Variants in MRC2 observed in about 807,000 individuals in gnomAD.
The protein encoded by MRC2 is mannose receptor C-type 2.
MRC2 carries 84 observed loss-of-function variants against 206.2 expected under a neutral mutation model. The ratio of observed to expected loss-of-function variants is 0.41; its 90% CI spans 0.34 to 0.49. The LOEUF (loss-of-function observed/expected upper bound fraction) is 0.49. MRC2 is among the 20% of genes least tolerant of loss of function. The pLI, the probability that MRC2 is intolerant of heterozygous loss-of-function variation, is 0.31. For missense variants in MRC2, 1,676 were observed against 2,001.5 expected, an observed-to-expected ratio of 0.84 and a Z score of 3.10; for synonymous variants, 798 against 800.0, an observed-to-expected ratio of 1.00 and a Z score of 0.04.
chr17:62,666,570 T>C lies in MRC2; in HGVS notation c.810T>C (p.Gly270=), dbSNP rs759625924. The change falls in exon 4 of 30, where the codon GGT becomes GGC. Residue 270 remains glycine, a synonymous_variant. Transcript: ENST00000303375. The surrounding 1 kb of genome is among the most constrained non-coding windows in gnomAD (Gnocchi z 5.0). ...REAWASCEQQ[G]ADLLSITEIH... ...CCTGGGCCAGCTGCGAGCAGCAGGG[T>C]GCGGATCTGCTGAGCATCACGGAGA... The C allele has an allele frequency of 7.5e-6, 12 of 1,610,276 alleles. No individual in the cohort carries two copies. In the South Asian group the frequency reaches 1.2e-4, roughly 16 times the overall value.
chr17:62,690,090 C>T (rs2089087055), intron 25 of MRC2, 28 bp downstream of exon 25: 1 of 1,583,420 alleles, frequency 6.3e-7, no homozygotes. Flanking sequence ...AGGGCGGGGG[C>T]ATGGGCAAGC....
At chr17:62,674,034 T>G (rs2147474336) in intron 8 of MRC2, 29 bp from the exon 9 acceptor site, 938 of 1,476,158 alleles carry the variant, frequency 6.4e-4, no homozygotes, top group Non-Finnish European at 7.9e-4. Context: ...AGGTGGGGGT[T>G]GAGATTCTTC....
At chr17:62,669,165 C>T (rs1313795617) in intron 6 of MRC2, among the ~76,000 whole-genome samples, 1 of 151,672 alleles carries the variant, frequency 6.6e-6, no homozygotes, top group African/African-American at 2.4e-5. Context: ...CAGAGCAAAA[C>T]TTCTGCTCCT....
chr17:62,669,125 CAA>C (rs965808071), intron 6 of MRC2, among the ~76,000 whole-genome samples: 6 of 145,004 alleles, frequency 4.1e-5, no homozygotes, highest in South Asian at 2.3e-4. Flanking sequence ...CACACACACA[CAA>C]CACTAACTAC....
chr17:62,662,334 G>A (rs2147461164), intron 1 of MRC2, among the ~76,000 whole-genome samples: 1 of 152,208 alleles, frequency 6.6e-6, no homozygotes, highest in South Asian at 2.1e-4. Context: ...GGAAGAGAGA[G>A]AACTTGAGAT....
At chr17:62,628,454 C>T (rs1276395406) in intron 1 of MRC2, among the ~76,000 whole-genome samples, 1 of 152,266 alleles carries the variant, frequency 6.6e-6, no homozygotes, top group Middle Eastern at 3.4e-3. Flanking sequence ...CTTTTCCACA[C>T]TTAGTCTTCA....
chr17:62,640,686 T>A (rs78482013), intron 1 of MRC2, among the ~76,000 whole-genome samples: 3 of 130,556 alleles, frequency 2.3e-5, no homozygotes, highest in African/African-American at 6.8e-5. Context: ...TAATATTTAA[T>A]TTTTTTTTTT....
intron 6 of MRC2, among the ~76,000 whole-genome samples, chr17:62,668,339 G>A (rs2088782395): frequency 6.8e-6 from 1 of 146,992 alleles, no homozygotes. Context: ...GCAACAGAGC[G>A]AGACGAGACC....
At position 62,692,045 on chromosome 17, in the gene MRC2, T is replaced by A. The variant is rs35688424; in HGVS notation, c.4193-67T>A. On this transcript the variant is annotated intron_variant, in intron 28 of 29. Coordinates refer to ENST00000303375, the MANE Select transcript of MRC2 (RefSeq NM_006039.5). The surrounding 1 kb of genome is among the most constrained non-coding windows in gnomAD (Gnocchi z 4.2). The stretch of plus-strand genomic sequence containing the variant: ...CCGGCCCAGGCCTGTGTGCTTTGTA[T>A]GTTTACTTAAGTGATTATTACGATG... 1 of 1,608,036 alleles carries A rather than the reference T, an allele frequency of 6.2e-7. No homozygotes were observed. The highest frequency in any genetic ancestry group is 1.7e-5 in the Admixed American group (1 of 59,852).
At chr17:62,635,044 G>C (rs925259928) in intron 1 of MRC2, among the ~76,000 whole-genome samples, 1 of 151,376 alleles carries the variant, frequency 6.6e-6, no homozygotes, top group Non-Finnish European at 1.5e-5. Context: ...TTGGCCAGAC[G>C]GGTCTTGAAC....
rs753815615 is a variant in MRC2, at chr17:62,664,708, C to T, written c.279C>T (p.Cys93=). The part of the protein sequence containing the change: ...NRLFNLGTMQ[C]LGTGWPGTNT... ...TATTCAACCTGGGTACCATGCAGTG[C>T]CTGGGCACAGGCTGGCCAGGCACCA... The change falls in exon 2 of 30, where the codon TGC becomes TGT. Residue 93 remains cysteine, a synonymous_variant. Transcript: ENST00000303375. The surrounding 1 kb of genome is among the most constrained non-coding windows in gnomAD (Gnocchi z 4.7). 2 of 1,614,030 alleles carry T rather than the reference C, an allele frequency of 1.2e-6. No homozygotes were observed. Among genetic ancestry groups the T allele is most frequent in the Non-Finnish European group, 8.5e-7 (1 of 1,180,042 alleles).
intron 28 of MRC2, among the ~76,000 whole-genome samples, chr17:62,691,879 C>T (rs527529147): frequency 3.4e-4 from 51 of 151,674 alleles, no homozygotes; most frequent in Admixed American, 2.7e-3. Context: ...CCCACGAGGG[C>T]TGGGCTGAGA....
intron 1 of MRC2, among the ~76,000 whole-genome samples, chr17:62,649,774 G>A (rs2088532781): frequency 6.6e-6 from 1 of 151,678 alleles, no homozygotes; most frequent in African/African-American, 2.4e-5. Flanking sequence ...GTGTCACAGT[G>A]TCATTTGACA....
At chr17:62,689,441 T>C in intron 23 of MRC2, 81 bp from the exon 24 acceptor site, 1 of 925,890 alleles carries the variant, frequency 1.1e-6, no homozygotes, top group Admixed American at 2.7e-5. Flanking sequence ...TTGCCTGGTG[T>C]GCGGCCTTCT....
At chr17:62,681,748 C>A in intron 18 of MRC2, 89 bp from the exon 19 acceptor site, 1 of 1,023,818 alleles carries the variant, frequency 9.8e-7, no homozygotes, top group Non-Finnish European at 1.5e-6. Context: ...CCCTTCCCTG[C>A]CCCCATTCCT....
At chr17:62,690,853 CG>C in intron 27 of MRC2, 92 bp downstream of exon 27, 1 of 1,492,710 alleles carries the variant, frequency 6.7e-7, no homozygotes, top group East Asian at 2.4e-5. Context: ...TGGGGCTTGT[CG>C]GGGGACAGGG....
rs991193225 is a variant in MRC2, at chr17:62,680,091, C to T, written c.2299-79C>T. The T allele has an allele frequency of 1.7e-5, 27 of 1,593,536 alleles. No individual in the cohort carries two copies. In the South Asian group the frequency reaches 2.0e-4, roughly 12 times the overall value. ...AGAATTCGCAGCTCAGGCCAGGCCT[C>T]TTGTTCACCTGTTCCGGGCATGGGG... On this transcript the variant is annotated intron_variant, in intron 14 of 29. Coordinates refer to ENST00000303375, the MANE Select transcript of MRC2 (RefSeq NM_006039.5). This position sits in a 1 kb window ranked among gnomAD's most constrained non-coding sequence, Gnocchi z 4.8.
rs754547991 is a variant in MRC2, at chr17:62,672,167, T to G, written c.1461+15T>G. 2.5e-6 allele frequency: 4 copies of G among 1,613,560 alleles called. No homozygotes were observed. In the South Asian group the frequency reaches 3.3e-5, roughly 13 times the overall value. Reference sequence around the variant, plus strand: ...TCTGGGGCCCGGTGAGATCTCCCTCTCCCTATCACAGGGCCACAAAATACA... The same window carrying G: ...TCTGGGGCCCGGTGAGATCTCCCTCGCCCTATCACAGGGCCACAAAATACA... On this transcript the variant is annotated intron_variant, in intron 8 of 29. Transcript: ENST00000303375. This position sits in a 1 kb window ranked among gnomAD's most constrained non-coding sequence, Gnocchi z 4.5.
intron 1 of MRC2, 21 bp downstream of exon 1, chr17:62,627,941 C>T (rs2084182004): frequency 1.4e-6 from 2 of 1,403,374 alleles, no homozygotes; most frequent in Non-Finnish European, 1.8e-6. Context: ...GCCAACTTGG[C>T]CAACTTCAGG....
Sources: allele counts gnomAD v4.1 joint callset (sites outside exome capture counted in the v4.1 genomes callset), GRCh38; gene constraint gnomAD v4.1.1; non-coding constraint Gnocchi (gnomAD v3.1); transcripts MANE v1.5; gene names NCBI Gene and HGNC (gene_info 2026-07-23, HGNC 2026-07-21).